Variants in ATF3 observed in about 807,000 individuals in gnomAD.
ATF3 encodes activating transcription factor 3.
In ATF3, 10 loss-of-function variants were observed where a neutral mutation model predicts 18.4. The observed-to-expected ratio is 0.54, with a 90% CI of 0.34 to 0.92. The LOEUF (loss-of-function observed/expected upper bound fraction) is 0.92, where lower values mean the gene tolerates loss of function less well. Among genes scored for constraint, ATF3 ranks in the 40% least tolerant of loss-of-function variants. ATF3 has a pLI of 0.02. For synonymous variants in ATF3, 78 were observed against 87.9 expected (o/e 0.89, Z 0.63); for missense variants, 183 against 222.3 (o/e 0.82, Z 1.12).
chr1:212,613,367 T>G (rs1045388417), intron 1 of ATF3: 2 of 152,214 alleles, frequency 1.3e-5, no homozygotes, highest in Non-Finnish European at 2.9e-5. Flanking sequence ...GTTTTTGTAA[T>G]GTAGAATAAT....
chr1:212,586,152 T>C (rs118138635), intron 1 of ATF3, among the ~76,000 whole-genome samples: 1 of 152,232 alleles, frequency 6.6e-6, no homozygotes, highest in East Asian at 1.9e-4. Flanking sequence ...CTCTTCTACC[T>C]TCACACACAG....
chr1:212,570,526 A>G (rs1664461988), intron 1 of ATF3, among the ~76,000 whole-genome samples: 1 of 152,234 alleles, frequency 6.6e-6, no homozygotes. Context: ...TACACTTTAA[A>G]TAAGTGTGTT....
intron 1 of ATF3, among the ~76,000 whole-genome samples, chr1:212,571,161 T>C (rs555433949): frequency 1.3e-5 from 2 of 152,354 alleles, no homozygotes; most frequent in South Asian, 4.1e-4. Context: ...GCCATTCTGT[T>C]GGGTGTGCAG....
chr1:212,606,940 G>A (rs1654643792), upstream of ATF3, among the ~76,000 whole-genome samples: 1 of 152,118 alleles, frequency 6.6e-6, no homozygotes, highest in South Asian at 2.1e-4. Context: ...GGTGGGGCCC[G>A]GAGAGCCGTT....
intron 1 of ATF3, among the ~76,000 whole-genome samples, chr1:212,592,613 G>A (rs372642714): frequency 1.3e-5 from 2 of 151,600 alleles, no homozygotes; most frequent in South Asian, 4.2e-4. Flanking sequence ...TCTGGATTTG[G>A]CTGATTACAT....
chr1:212,615,327 C>T, intron 2 of ATF3, 66 bp downstream of exon 2: 2 of 1,558,320 alleles, frequency 1.3e-6, no homozygotes, highest in Non-Finnish European at 8.7e-7. Flanking sequence ...GTGTGTTGGG[C>T]ATGTTCTAGG....
At chr1:212,581,243 C>T (rs1332713250) in intron 1 of ATF3, among the ~76,000 whole-genome samples, 1 of 152,204 alleles carries the variant, frequency 6.6e-6, no homozygotes, top group Non-Finnish European at 1.5e-5. Flanking sequence ...CCGGCCCCTG[C>T]AGGGCTCTTG....
intron 1 of ATF3, among the ~76,000 whole-genome samples, chr1:212,589,134 G>A (rs959660676): frequency 7.2e-5 from 11 of 152,266 alleles, no homozygotes; most frequent in Admixed American, 4.6e-4. Flanking sequence ...GACTGTGGCC[G>A]GGTGGAGAAA....
At chr1:212,588,470 C>T (rs989893739) in intron 1 of ATF3, among the ~76,000 whole-genome samples, 7 of 151,992 alleles carry the variant, frequency 4.6e-5, no homozygotes, top group East Asian at 1.9e-4. Flanking sequence ...CTCTTTTTAG[C>T]GCCTCATGCC....
chr1:212,609,992 A>G (rs1462771093), intron 1 of ATF3, among the ~76,000 whole-genome samples: 2 of 152,072 alleles, frequency 1.3e-5, no homozygotes, highest in Admixed American at 6.5e-5. Context: ...GTGGGGAGAA[A>G]AGGAGCCAGT....
chr1:212,605,894 G>T (rs372634728), upstream of ATF3, among the ~76,000 whole-genome samples: 95 of 152,250 alleles, frequency 6.2e-4, 2 homozygotes, highest in South Asian at 0.019. Flanking sequence ...CTCTTTCATT[G>T]AGGATTAACC....
intron 1 of ATF3, 86 bp from the exon 2 acceptor site, chr1:212,614,932 T>C: frequency 6.2e-7 from 1 of 1,611,310 alleles, no homozygotes; most frequent in Middle Eastern, 1.7e-4. Flanking sequence ...GGTGGGGCTC[T>C]GGTGTTGGAG....
intron 1 of ATF3, among the ~76,000 whole-genome samples, chr1:212,584,906 G>T (rs1413105916): frequency 2.6e-5 from 4 of 152,182 alleles, no homozygotes; most frequent in African/African-American, 9.7e-5. Context: ...AGGGCCCCAG[G>T]CAGGCTTTGT....
intron 2 of ATF3, among the ~76,000 whole-genome samples, chr1:212,616,566 G>A (rs1655136432): frequency 6.6e-6 from 1 of 152,158 alleles, no homozygotes; most frequent in Non-Finnish European, 1.5e-5. Context: ...CCAAAGTGCT[G>A]GGATTACAGG....
At chr1:212,569,030 T>G (rs1350451562) in intron 1 of ATF3, among the ~76,000 whole-genome samples, 1 of 152,210 alleles carries the variant, frequency 6.6e-6, no homozygotes, top group East Asian at 1.9e-4. Flanking sequence ...CTGAAGGATC[T>G]AAATGTTTAA....
At chr1:212,615,523 T>C (rs1655085227) in intron 2 of ATF3, among the ~76,000 whole-genome samples, 1 of 151,740 alleles carries the variant, frequency 6.6e-6, no homozygotes, top group Non-Finnish European at 1.5e-5. Context: ...TTTAAAAACT[T>C]TTCAGGCCAG....
intron 1 of ATF3, among the ~76,000 whole-genome samples, chr1:212,571,400 A>C (rs1435401704): frequency 6.6e-6 from 1 of 152,034 alleles, no homozygotes; most frequent in African/African-American, 2.4e-5. Flanking sequence ...TAATACTTTT[A>C]TTATTATTAC....
intron 1 of ATF3, among the ~76,000 whole-genome samples, chr1:212,587,917 T>A (rs1664808613): frequency 1.5e-5 from 2 of 134,836 alleles, no homozygotes; most frequent in Non-Finnish European, 3.1e-5. Flanking sequence ...AGTTTAGCAA[T>A]GCAGCAGTGC....
At chr1:212,577,735 G>A (rs1037993858) in intron 1 of ATF3, among the ~76,000 whole-genome samples, 1 of 152,150 alleles carries the variant, frequency 6.6e-6, no homozygotes, top group Non-Finnish European at 1.5e-5. Context: ...ATTCATCCAT[G>A]TTGTGGCAAA....
Sources: gnomAD v4.1 joint callset for allele counts (sites outside exome capture counted in the v4.1 genomes callset) on GRCh38, gnomAD v4.1.1 for gene constraint, MANE v1.5 for transcripts, NCBI Gene and HGNC (gene_info 2026-07-23, HGNC 2026-07-21) for gene names.